The following ST8SIA1 variants were observed in gnomAD, a reference collection of about 807,000 sequenced individuals.
The protein encoded by ST8SIA1 is ST8 alpha-N-acetyl-neuraminide alpha-2,8-sialyltransferase 1.
Under a neutral mutation model 35.9 loss-of-function variants are expected in ST8SIA1, and 16 were observed. That is an observed-to-expected ratio of 0.45 (90% CI 0.30 to 0.68). The LOEUF is 0.68. Ranked by LOEUF, ST8SIA1 falls within the 30% of genes least tolerant of loss-of-function variation. The pLI is 0.09. For synonymous variants in ST8SIA1, 170 were observed against 169.6 expected (o/e 1.00, Z -0.02); for missense variants, 383 against 453.6 (o/e 0.84, Z 1.41).
chr12:22,225,826 A>C (rs999925716), intron 4 of ST8SIA1, among the ~76,000 whole-genome samples: 6 of 152,114 alleles, frequency 3.9e-5, no homozygotes, highest in African/African-American at 1.4e-4. Context: ...CAACTTTTTA[A>C]AATTTTAGTG....
intron 4 of ST8SIA1, among the ~76,000 whole-genome samples, chr12:22,241,048 T>TTAACAC (rs1565575277): frequency 6.7e-6 from 1 of 149,286 alleles, no homozygotes; most frequent in African/African-American, 2.5e-5. Context: ...ATGGCTAACC[T>TTAACAC]TAACCCTAAC....
At chr12:22,289,029 T>C (rs564514913) in intron 1 of ST8SIA1, among the ~76,000 whole-genome samples, 2 of 152,262 alleles carry the variant, frequency 1.3e-5, no homozygotes, top group South Asian at 4.2e-4. Flanking sequence ...AACAGGCATG[T>C]GCCACCATGC....
At chr12:22,228,993 G>A (rs980423939) in intron 4 of ST8SIA1, among the ~76,000 whole-genome samples, 3 of 144,438 alleles carry the variant, frequency 2.1e-5, no homozygotes, top group Non-Finnish European at 3.0e-5. Flanking sequence ...GGCGGAGGTC[G>A]CAGTAAGCTG....
At chr12:22,262,966 C>G (rs934655899) in intron 2 of ST8SIA1, among the ~76,000 whole-genome samples, 9 of 152,164 alleles carry the variant, frequency 5.9e-5, no homozygotes, top group African/African-American at 2.2e-4. Context: ...TTTCTTGAAT[C>G]CTTTTCGGAT....
chr12:22,285,831 C>T (rs947439111), intron 2 of ST8SIA1, among the ~76,000 whole-genome samples: 2 of 137,076 alleles, frequency 1.5e-5, no homozygotes, highest in African/African-American at 5.7e-5. Context: ...GATCATGCTA[C>T]TGCACTCAAG....
chr12:22,246,653 G>GA (rs1865606950), intron 4 of ST8SIA1, among the ~76,000 whole-genome samples: 2 of 152,100 alleles, frequency 1.3e-5, no homozygotes, highest in South Asian at 2.1e-4. Flanking sequence ...AAGCAGTTTG[G>GA]GTTTTTTTTT....
intron 1 of ST8SIA1, among the ~76,000 whole-genome samples, chr12:22,321,005 A>AG (rs796996818): frequency 8.6e-4 from 50 of 58,112 alleles, no homozygotes; most frequent in South Asian, 3.1e-3. Flanking sequence ...GAAAGAAAGA[A>AG]GAAAGAAAGA....
intron 1 of ST8SIA1, among the ~76,000 whole-genome samples, chr12:22,331,800 G>A (rs1010324545): frequency 5.9e-5 from 9 of 152,088 alleles, no homozygotes; most frequent in Non-Finnish European, 1.2e-4. Context: ...GACCAATAAT[G>A]TTTACCTGTA....
rs929827107 is a variant in ST8SIA1 at position 22,218,604 on chromosome 12, C to T, written c.585-16566G>A. Reference sequence around the variant, plus strand: ...TTGCACTCCAGTCTGGGTGACAAAGCGAGACTCAAAATAAATAAATAAATA... The same window carrying T: ...TTGCACTCCAGTCTGGGTGACAAAGTGAGACTCAAAATAAATAAATAAATA... On this transcript the variant is annotated intron_variant, in intron 4 of 4. Coordinates refer to ENST00000396037, the MANE Select transcript of ST8SIA1 (RefSeq NM_003034.4). Among the ~76,000 whole-genome samples, 11 of 30,716 alleles carry T rather than the reference C, an allele frequency of 3.6e-4. No individual in the cohort carries two copies. The South Asian group carries it at 0.013, about 37-fold the overall frequency. 20.2% of individuals were successfully genotyped at this position (30,716 alleles called of 152,430 possible).
At chr12:22,327,359 G>C (rs1866694935) in intron 1 of ST8SIA1, among the ~76,000 whole-genome samples, 1 of 152,216 alleles carries the variant, frequency 6.6e-6, no homozygotes, top group Non-Finnish European at 1.5e-5. Context: ...CCAAATCAAA[G>C]ATCCTTCCAC....
rs1865036371 is a variant in ST8SIA1, at chr12:22,200,372, G to A, written c.*1180C>T. The stretch of plus-strand genomic sequence containing the variant: ...AGGTCATATGAGTTCAGCTTTCATA[G>A]TTGCACAGTAATGAGCTTTGTTTAA... On this transcript the variant is annotated 3_prime_UTR_variant, in exon 5 of 5. Coordinates refer to ENST00000396037, the MANE Select transcript of ST8SIA1 (RefSeq NM_003034.4). 6.6e-6 allele frequency: 1 copy of A among 152,050 alleles called. No homozygotes were observed. Among genetic ancestry groups the A allele is most frequent in the African/African-American group, 2.4e-5 (1 of 41,390 alleles). 9.4% of individuals were successfully genotyped at this position (152,050 alleles called of 1,614,324 possible). A position where few individuals can be genotyped will look rare whatever the true frequency, so the allele number is the denominator to read the frequency against.
At chr12:22,318,813 C>T (rs1019234665) in intron 1 of ST8SIA1, among the ~76,000 whole-genome samples, 3 of 152,346 alleles carry the variant, frequency 2.0e-5, no homozygotes, top group African/African-American at 7.2e-5. Context: ...AAGGGACTAT[C>T]AGGCTTTGAC....
In ST8SIA1 at chr12:22,334,316, G is replaced by A. The variant is rs910529334; in HGVS notation, c.-84C>T. 8.6e-6 allele frequency: 9 copies of A among 1,041,500 alleles called. No homozygotes were observed. In the East Asian group the frequency reaches 1.3e-4, roughly 14 times the overall value. The allele number at this position is 1,041,500 out of a possible 1,614,324, so 64.5% of individuals were successfully genotyped here. ...GGCAGCGGAGGGTCCCCCACCGCCAGCCCCCCATGCACACACACCTTTGGT... is the reference window on the plus strand; with the variant it reads ...GGCAGCGGAGGGTCCCCCACCGCCAACCCCCCATGCACACACACCTTTGGT... On this transcript the variant is annotated 5_prime_UTR_variant, in exon 1 of 5. Transcript: ENST00000396037.
intron 4 of ST8SIA1, among the ~76,000 whole-genome samples, chr12:22,225,714 C>T (rs1397470179): frequency 6.6e-6 from 1 of 152,168 alleles, no homozygotes; most frequent in African/African-American, 2.4e-5. Flanking sequence ...TTTATTTCAG[C>T]GTTCACCCCA....
chr12:22,323,544 A>G (rs1866631617), intron 1 of ST8SIA1, among the ~76,000 whole-genome samples: 1 of 152,232 alleles, frequency 6.6e-6, no homozygotes, highest in African/African-American at 2.4e-5. Flanking sequence ...TATTATAAAG[A>G]TATAGGCACA....
At chr12:22,258,489 G>T (rs1424762417) in intron 2 of ST8SIA1, among the ~76,000 whole-genome samples, 1 of 149,802 alleles carries the variant, frequency 6.7e-6, no homozygotes, top group African/African-American at 2.5e-5. Context: ...AAAAAAAAAA[G>T]TGTCTAAAGA....
At chr12:22,318,386 G>A (rs1255137703) in intron 1 of ST8SIA1, among the ~76,000 whole-genome samples, 1 of 152,184 alleles carries the variant, frequency 6.6e-6, no homozygotes, top group Non-Finnish European at 1.5e-5. Context: ...CCCTTACTAT[G>A]GTATGGCTGG....
At chr12:22,289,571 G>A (rs1470304877) in intron 1 of ST8SIA1, among the ~76,000 whole-genome samples, 2 of 152,222 alleles carry the variant, frequency 1.3e-5, no homozygotes, top group Non-Finnish European at 2.9e-5. Flanking sequence ...TAACCCATGA[G>A]CTGGATGACT....
rs184058095 is a variant in ST8SIA1 at position 22,278,452 on chromosome 12, A to G, written c.381+8697T>C. Among the ~76,000 whole-genome samples, 424 of 152,328 alleles carry G rather than the reference A, an allele frequency of 2.8e-3. 3 individuals carry two copies. The highest frequency in any genetic ancestry group is 1.0e-2 in the African/African-American group (415 of 41,576). On this transcript the variant is annotated intron_variant, in intron 2 of 4. Transcript: ENST00000396037. ...GACTATGTAAGAGTATAACAAGAAA[A>G]GACAATCAGGAAATTTATAAATTAT... is the stretch of plus-strand genomic sequence containing the variant.
Sources: gnomAD v4.1 joint callset for allele counts (sites outside exome capture counted in the v4.1 genomes callset) on GRCh38, gnomAD v4.1.1 for gene constraint, MANE v1.5 for transcripts, NCBI Gene and HGNC (gene_info 2026-07-23, HGNC 2026-07-21) for gene names.